The following MAML2 variants were observed in gnomAD, a reference collection of about 807,000 sequenced individuals.
MAML2 encodes the protein mastermind-like protein 2.
In MAML2, 22 loss-of-function variants were observed where a neutral mutation model predicts 96.1. The observed-to-expected ratio is 0.23, with a 90% CI of 0.16 to 0.33. The LOEUF (loss-of-function observed/expected upper bound fraction) is 0.33, where lower values mean the gene tolerates loss of function less well. MAML2 is among the 10% of genes least tolerant of loss of function. The pLI, the probability that MAML2 is intolerant of heterozygous loss-of-function variation, is 1.00. For synonymous variants in MAML2, 561 were observed against 521.3 expected (o/e 1.08, Z -1.04); for missense variants, 1,367 against 1,392.4 (o/e 0.98, Z 0.29).
chr11:96,287,222 C>G (rs1339188827), intron 1 of MAML2, among the ~76,000 whole-genome samples: 1 of 152,218 alleles, frequency 6.6e-6, no homozygotes, highest in Non-Finnish European at 1.5e-5. Context: ...CAATAGCTCT[C>G]TTAAATGTAT....
chr11:96,026,817 G>T (rs1189368208), intron 2 of MAML2, among the ~76,000 whole-genome samples: 1 of 84,348 alleles, frequency 1.2e-5, no homozygotes. Flanking sequence ...CATTGCTATG[G>T]GGTTAAAAAA....
chr11:96,171,414 TA>T (rs1441689701), intron 1 of MAML2, among the ~76,000 whole-genome samples: 1 of 152,170 alleles, frequency 6.6e-6, no homozygotes, highest in Non-Finnish European at 1.5e-5. Flanking sequence ...TATATTTAAT[TA>T]TTGGTTCATT....
At chr11:96,062,564 T>C (rs1471017876) in intron 2 of MAML2, among the ~76,000 whole-genome samples, 1 of 152,164 alleles carries the variant, frequency 6.6e-6, no homozygotes, top group Non-Finnish European at 1.5e-5. Context: ...TTCTGAAATA[T>C]GGAGTGGTGG....
At chr11:96,126,947 G>GT (rs1860449491) in intron 1 of MAML2, among the ~76,000 whole-genome samples, 1 of 152,180 alleles carries the variant, frequency 6.6e-6, no homozygotes, top group African/African-American at 2.4e-5. Flanking sequence ...GGCTTGAGCA[G>GT]TATGGCCAGT....
chr11:96,194,420 G>A lies in MAML2; in HGVS notation c.514-100903C>T, dbSNP rs373111006. Among the ~76,000 whole-genome samples, 524 of 152,324 alleles carry A rather than the reference G, an allele frequency of 3.4e-3. 3 individuals carry two copies. Among genetic ancestry groups the A allele is most frequent in the South Asian group, 0.016 (76 of 4,830 alleles). On this transcript the variant is annotated intron_variant, in intron 1 of 4. Coordinates refer to ENST00000524717, the MANE Select transcript of MAML2 (RefSeq NM_032427.4). ...AGTAGCTAGGGGCTCAAATTTTGTAGAGTGACTCTCTCCTCTGTTTGAATC... is the reference window on the plus strand; with the variant it reads ...AGTAGCTAGGGGCTCAAATTTTGTAAAGTGACTCTCTCCTCTGTTTGAATC...
At chr11:96,207,338 G>T (rs1022992855) in intron 1 of MAML2, among the ~76,000 whole-genome samples, 5 of 152,190 alleles carry the variant, frequency 3.3e-5, no homozygotes, top group African/African-American at 7.2e-5. Context: ...TCAAGGTAAG[G>T]TACCATCTTA....
rs866158694 is a variant in MAML2, at chr11:96,280,353, C to T, written c.513+61030G>A. ...GGCAATGAATTGCCAGTAATTTCCC[C>T]ACCTTAACTCATGGTAATTTGTTTC... On this transcript the variant is annotated intron_variant, in intron 1 of 4. Coordinates refer to ENST00000524717, the MANE Select transcript of MAML2 (RefSeq NM_032427.4). 4.9e-4 allele frequency among the ~76,000 whole-genome samples: 75 copies of T among 152,250 alleles called. 1 individual carries two copies. Among genetic ancestry groups the T allele is most frequent in the African/African-American group, 1.8e-3 (73 of 41,536 alleles).
At chr11:96,049,232 C>G (rs943065450) in intron 2 of MAML2, among the ~76,000 whole-genome samples, 11 of 152,126 alleles carry the variant, frequency 7.2e-5, no homozygotes, top group African/African-American at 2.7e-4. Context: ...CTTTACTCCT[C>G]TTTGTACTTT....
chr11:96,050,223 T>C (rs778008091), intron 2 of MAML2, among the ~76,000 whole-genome samples: 2 of 152,158 alleles, frequency 1.3e-5, no homozygotes, highest in Non-Finnish European at 2.9e-5. Flanking sequence ...AGTGAGTGTA[T>C]GTGTGAGAGA....
At chr11:96,278,916 A>G (rs889892564) in intron 1 of MAML2, among the ~76,000 whole-genome samples, 15 of 152,146 alleles carry the variant, frequency 9.9e-5, no homozygotes, top group African/African-American at 3.6e-4. Context: ...AAAATATGAG[A>G]TCTGAAGGAG....
At chr11:96,158,341 G>T (rs1239725285) in intron 1 of MAML2, among the ~76,000 whole-genome samples, 1 of 152,132 alleles carries the variant, frequency 6.6e-6, no homozygotes, top group Admixed American at 6.5e-5. Flanking sequence ...GGGTGACCAG[G>T]CCCACACATA....
intron 1 of MAML2, among the ~76,000 whole-genome samples, chr11:96,327,269 T>A (rs1863798143): frequency 6.6e-6 from 1 of 152,182 alleles, no homozygotes; most frequent in Non-Finnish European, 1.5e-5. Flanking sequence ...CCCGAGGTCA[T>A]CCTGTTAGTT....
intron 2 of MAML2, among the ~76,000 whole-genome samples, chr11:96,079,770 T>C (rs1330325094): frequency 6.6e-6 from 1 of 151,780 alleles, no homozygotes; most frequent in Non-Finnish European, 1.5e-5. Flanking sequence ...AACAAACAAA[T>C]AGAGAGACAA....
chr11:96,196,995 C>A (rs189547253), intron 1 of MAML2, among the ~76,000 whole-genome samples: 1 of 150,906 alleles, frequency 6.6e-6, no homozygotes, highest in African/African-American at 2.4e-5. Flanking sequence ...TGTTAAGCAT[C>A]AGGAAGCAAA....
chr11:96,204,830 T>C (rs1861874381), intron 1 of MAML2, among the ~76,000 whole-genome samples: 1 of 152,254 alleles, frequency 6.6e-6, no homozygotes, highest in East Asian at 1.9e-4. Flanking sequence ...GTTTTCGATG[T>C]AATTTTAGGT....
intron 1 of MAML2, among the ~76,000 whole-genome samples, chr11:96,224,926 CAGTT>C (rs1205595010): frequency 6.6e-6 from 1 of 152,082 alleles, no homozygotes; most frequent in Non-Finnish European, 1.5e-5. Flanking sequence ...TACTTTAAGA[CAGTT>C]AGCTAATTTC....
chr11:96,228,209 C>G (rs200663111), intron 1 of MAML2, among the ~76,000 whole-genome samples: 12 of 152,176 alleles, frequency 7.9e-5, no homozygotes, highest in Admixed American at 7.9e-4. Flanking sequence ...TTGGCCACAT[C>G]GGGTTTCCAG....
chr11:96,015,688 A>G (rs1297644332), intron 2 of MAML2, among the ~76,000 whole-genome samples: 2 of 152,100 alleles, frequency 1.3e-5, no homozygotes, highest in African/African-American at 4.8e-5. Context: ...GACCTGAAAA[A>G]TAAGTGAATT....
chr11:96,169,893 T>A (rs938138040), intron 1 of MAML2, among the ~76,000 whole-genome samples: 3 of 152,240 alleles, frequency 2.0e-5, no homozygotes, highest in Non-Finnish European at 4.4e-5. Context: ...GACCTCGTGA[T>A]CTGCCCGTCT....
Sources: allele counts gnomAD v4.1 joint callset (sites outside exome capture counted in the v4.1 genomes callset), GRCh38; gene constraint gnomAD v4.1.1; transcripts MANE v1.5; gene names NCBI Gene and HGNC (gene_info 2026-07-23, HGNC 2026-07-21).